Variants in SMIM36 observed in about 807,000 individuals in gnomAD.
SMIM36 encodes the protein small integral membrane protein 36.
At chr17:55,480,738 A>C (rs1324591127) in intron 1 of SMIM36, among the ~76,000 whole-genome samples, 1 of 152,204 alleles carries the variant, frequency 6.6e-6, no homozygotes, top group South Asian at 2.1e-4. Context: ...CAGTTTCCCC[A>C]TAGGAGCTTG....
chr17:55,515,902 G>A (rs1046792399), upstream of SMIM36, among the ~76,000 whole-genome samples: 2 of 152,250 alleles, frequency 1.3e-5, no homozygotes, highest in African/African-American at 4.8e-5. Context: ...GTGGCTTGCA[G>A]CAAACCAGGA....
chr17:55,491,791 C>A (rs62079590), intron 1 of SMIM36, among the ~76,000 whole-genome samples: 137 of 152,268 alleles, frequency 9.0e-4, no homozygotes, highest in Non-Finnish European at 1.3e-3. Flanking sequence ...AATAAAGGTG[C>A]CTGCAATATT....
chr17:55,530,373 G>A, the SMIM36 span, among the ~76,000 whole-genome samples: 3 of 152,188 alleles, frequency 2.0e-5, no homozygotes, highest in African/African-American at 7.2e-5. Flanking sequence ...TACGCCCTAT[G>A]GTCCTCCTTT....
chr17:55,457,493 CA>C (rs1909046424), intron 4 of SMIM36, among the ~76,000 whole-genome samples: 1 of 148,762 alleles, frequency 6.7e-6, no homozygotes, highest in South Asian at 2.1e-4. Flanking sequence ...ATAAAATTGA[CA>C]GCTCTCGAGA....
upstream of SMIM36, among the ~76,000 whole-genome samples, chr17:55,513,323 C>G (rs1240404159): frequency 7.2e-5 from 11 of 152,198 alleles, no homozygotes; most frequent in Non-Finnish European, 1.3e-4. Context: ...CTGTGAAGAG[C>G]TATTCCAGGG....
chr17:55,467,725 T>C (rs545708868), intron 3 of SMIM36, among the ~76,000 whole-genome samples: 3 of 152,304 alleles, frequency 2.0e-5, no homozygotes, highest in East Asian at 1.9e-4. Context: ...TAAATGCAGG[T>C]TGAGTTTGCG....
chr17:55,509,041 A>G (rs1222277052), intron 1 of SMIM36, among the ~76,000 whole-genome samples: 1 of 152,238 alleles, frequency 6.6e-6, no homozygotes, highest in East Asian at 1.9e-4. Context: ...GAGAAAATAT[A>G]ATCTTCTGAT....
At chr17:55,468,968 G>T (rs886353510) in intron 3 of SMIM36, among the ~76,000 whole-genome samples, 4 of 152,060 alleles carry the variant, frequency 2.6e-5, no homozygotes, top group African/African-American at 9.7e-5. Context: ...GGTGCCTGAC[G>T]TCCAGGCATT....
chr17:55,501,372 A>C (rs1394682954), intron 1 of SMIM36, among the ~76,000 whole-genome samples: 1 of 73,136 alleles, frequency 1.4e-5, no homozygotes, highest in South Asian at 4.1e-4. Flanking sequence ...ATAATATATT[A>C]TATATTATAG....
upstream of SMIM36, among the ~76,000 whole-genome samples, chr17:55,514,045 C>T (rs1910226004): frequency 6.6e-6 from 1 of 152,164 alleles, no homozygotes; most frequent in African/African-American, 2.4e-5. Flanking sequence ...AGTCCAGTCT[C>T]ATGAAGGCTT....
chr17:55,531,963 G>A, the SMIM36 span, among the ~76,000 whole-genome samples: 1 of 152,332 alleles, frequency 6.6e-6, no homozygotes, highest in South Asian at 2.1e-4. Context: ...TGTCACCCAA[G>A]TGTCAGTTGT....
chr17:55,500,895 A>C lies in SMIM36; in HGVS notation c.*174+9984T>G, dbSNP rs373078983. On this transcript the variant is annotated intron_variant, in intron 1 of 4. Transcript: ENST00000636752. ...ATTATATTTTATAATATATATTATAATATATTATATTATAATATATTATAA... is the reference window on the plus strand; with the variant it reads ...ATTATATTTTATAATATATATTATACTATATTATATTATAATATATTATAA... Among the ~76,000 whole-genome samples, 22 of 20,716 alleles carry C rather than the reference A, an allele frequency of 1.1e-3. 9 individuals carry two copies. The African/African-American group carries it at 0.022, about 21-fold the overall frequency. The allele number at this position is 20,716 out of a possible 152,430, so 13.6% of individuals were successfully genotyped here. A position where few individuals can be genotyped will look rare whatever the true frequency, so the allele number is the denominator to read the frequency against.
chr17:55,529,019 A>G, the SMIM36 span, among the ~76,000 whole-genome samples: 1 of 152,222 alleles, frequency 6.6e-6, no homozygotes, highest in Admixed American at 6.5e-5. Flanking sequence ...GTGACATTGG[A>G]TAAGTCACTT....
intron 3 of SMIM36, 141 bp downstream of exon 3, chr17:55,478,621 A>C (rs1019482444): frequency 6.6e-6 from 1 of 152,200 alleles, no homozygotes; most frequent in Non-Finnish European, 1.5e-5. Flanking sequence ...AGAAACTGTC[A>C]TTTACAAACA....
chr17:55,493,766 C>T lies in SMIM36; in HGVS notation c.*175-14186G>A, dbSNP rs189539888. On this transcript the variant is annotated intron_variant, in intron 1 of 4. Coordinates refer to ENST00000636752, the Ensembl canonical transcript of SMIM36. ...TCAAGGCTCCAGTGACCCGAGATCG[C>T]GCCACTGCACTCCAGCATGGGCAGC... Among the ~76,000 whole-genome samples the T allele has an allele frequency of 2.8e-4, 41 of 144,482 alleles. No homozygotes were observed. In the East Asian group the frequency reaches 7.8e-3, roughly 27 times the overall value. The allele number at this position is 144,482 out of a possible 152,430, so 94.8% of individuals were successfully genotyped here.
At chr17:55,455,528 G>A (rs569804617) in intron 4 of SMIM36, among the ~76,000 whole-genome samples, 65 of 152,204 alleles carry the variant, frequency 4.3e-4, no homozygotes, top group African/African-American at 6.7e-4. Flanking sequence ...AGTGGCTCAT[G>A]CCTATAATCT....
chr17:55,471,676 C>T (rs774158716), intron 3 of SMIM36, among the ~76,000 whole-genome samples: 6 of 152,200 alleles, frequency 3.9e-5, no homozygotes, highest in Non-Finnish European at 7.3e-5. Flanking sequence ...TTCACTCTTT[C>T]GAAAAGGCCC....
intron 3 of SMIM36, among the ~76,000 whole-genome samples, chr17:55,470,998 C>A (rs767710169): frequency 6.6e-6 from 1 of 152,090 alleles, no homozygotes; most frequent in Non-Finnish European, 1.5e-5. Flanking sequence ...TTAATCAAAT[C>A]GTCCTTCCCA....
At chr17:55,455,599 G>T (rs934674643) in intron 4 of SMIM36, among the ~76,000 whole-genome samples, 1 of 152,084 alleles carries the variant, frequency 6.6e-6, no homozygotes, top group Non-Finnish European at 1.5e-5. Context: ...GGACCTGCTT[G>T]GGCAACATAG....
Sources: allele counts gnomAD v4.1 joint callset (sites outside exome capture counted in the v4.1 genomes callset), GRCh38; gene constraint gnomAD v4.1.1; transcripts MANE v1.5; gene names NCBI Gene and HGNC (gene_info 2026-07-23, HGNC 2026-07-21).